The following CRIM1 variants were observed in gnomAD, a reference collection of about 807,000 sequenced individuals.
CRIM1 encodes the protein cysteine rich transmembrane BMP regulator 1.
Under a neutral mutation model 116.4 loss-of-function variants are expected in CRIM1, and 32 were observed. That is an observed-to-expected ratio of 0.27 (90% CI 0.21 to 0.37). The LOEUF (loss-of-function observed/expected upper bound fraction) is 0.37. Among genes scored for constraint, CRIM1 ranks in the 10% least tolerant of loss-of-function variants. CRIM1 has a pLI of 1.00. For missense variants in CRIM1, 1,331 were observed against 1,354.8 expected (o/e 0.98, Z 0.28); for synonymous variants, 590 against 509.2 (o/e 1.16, Z -2.13).
At chr2:36,399,235 GT>G (rs1205836122) in intron 2 of CRIM1, among the ~76,000 whole-genome samples, 1 of 152,206 alleles carries the variant, frequency 6.6e-6, no homozygotes, top group Non-Finnish European at 1.5e-5. Flanking sequence ...ATCATTATAG[GT>G]TTATGAACAG....
intron 2 of CRIM1, among the ~76,000 whole-genome samples, chr2:36,417,771 A>G (rs1010280548): frequency 2.6e-5 from 4 of 152,342 alleles, no homozygotes; most frequent in Middle Eastern, 6.8e-3. Flanking sequence ...GACAGGCATG[A>G]ACACCACTCA....
Position 36,534,840 on chromosome 2 carries a change from G to C in CRIM1, c.2429-2512G>C, listed in dbSNP as rs75893459. 1.4e-3 allele frequency among the ~76,000 whole-genome samples: 216 copies of C among 152,220 alleles called. 1 individual carries two copies. The highest frequency in any genetic ancestry group is 5.6e-3 in the South Asian group (27 of 4,818). On this transcript the variant is annotated intron_variant, in intron 13 of 16. Transcript: ENST00000280527. ...GATGGAATGAGGAGTTTTACCTCCTGTCTGGTTTCTTTGTACGGTAACACT... is the reference window on the plus strand; with the variant it reads ...GATGGAATGAGGAGTTTTACCTCCTCTCTGGTTTCTTTGTACGGTAACACT...
chr2:36,398,308 T>C (rs1340806597), intron 2 of CRIM1, among the ~76,000 whole-genome samples: 1 of 152,168 alleles, frequency 6.6e-6, no homozygotes, highest in Non-Finnish European at 1.5e-5. Context: ...CCCCTGCTCC[T>C]GAACATGCCC....
At chr2:36,542,557 G>A (rs1572968754) in intron 14 of CRIM1, among the ~76,000 whole-genome samples, 1 of 152,330 alleles carries the variant, frequency 6.6e-6, no homozygotes, top group East Asian at 1.9e-4. Context: ...GGCCTCTGCA[G>A]AAACTTTTAC....
At chr2:36,489,569 A>G (rs1409175313) in intron 7 of CRIM1, among the ~76,000 whole-genome samples, 1 of 152,198 alleles carries the variant, frequency 6.6e-6, no homozygotes, top group Non-Finnish European at 1.5e-5. Flanking sequence ...AGGAGCCCCT[A>G]CAATTCTTGT....
intron 1 of CRIM1, among the ~76,000 whole-genome samples, chr2:36,391,763 C>G (rs1671622732): frequency 6.8e-6 from 1 of 146,500 alleles, no homozygotes; most frequent in Admixed American, 6.9e-5. Context: ...ATTTTATTTG[C>G]TTTTTTTTCT....
chr2:36,506,540 G>A lies in CRIM1; in HGVS notation c.1502-3443G>A, dbSNP rs565831693. Among the ~76,000 whole-genome samples the A allele has an allele frequency of 2.5e-3, 375 of 152,144 alleles. 2 individuals are homozygous for A. Among genetic ancestry groups the A allele is most frequent in the Non-Finnish European group, 4.3e-3 (292 of 68,020 alleles). On this transcript the variant is annotated intron_variant, in intron 8 of 16. Transcript: ENST00000280527. ...ATGGCGCCCCCGACAGCTGTGTCACGTTTTGAGCATAGGAGCAAACATTCC... is the reference window on the plus strand; with the variant it reads ...ATGGCGCCCCCGACAGCTGTGTCACATTTTGAGCATAGGAGCAAACATTCC...
Position 36,467,127 on chromosome 2 carries a change from C to T in CRIM1, c.991+2472C>T, listed in dbSNP as rs1286463376. 2.0e-5 allele frequency among the ~76,000 whole-genome samples: 3 copies of T among 150,230 alleles called. 1 individual carries two copies. The highest frequency in any genetic ancestry group is 2.0e-4 in the Admixed American group (3 of 15,228). ...TCTGGAATAGGATTTGCCATCTGTC[C>T]TGAGAAGATGTTGAGTGGACAAAAC... On this transcript the variant is annotated intron_variant, in intron 5 of 16. Transcript: ENST00000280527.
chr2:36,455,994 G>T (rs918834919), intron 4 of CRIM1, among the ~76,000 whole-genome samples: 2 of 152,138 alleles, frequency 1.3e-5, no homozygotes, highest in African/African-American at 4.8e-5. Context: ...AATCCAAGTG[G>T]ATGCATGCTT....
At chr2:36,401,390 A>G (rs894688639) in intron 2 of CRIM1, among the ~76,000 whole-genome samples, 6 of 152,224 alleles carry the variant, frequency 3.9e-5, no homozygotes, top group Admixed American at 3.9e-4. Context: ...GATAAAGGGA[A>G]TGACCTGCAA....
intron 8 of CRIM1, among the ~76,000 whole-genome samples, chr2:36,501,647 G>A (rs1229417527): frequency 6.6e-6 from 1 of 152,146 alleles, no homozygotes; most frequent in Non-Finnish European, 1.5e-5. Context: ...TCTTGAGCTC[G>A]GGAAGTCGAG....
rs558055406 is a variant in CRIM1 at position 36,383,792 on chromosome 2, T to A, written c.332-12822T>A. 2.0e-4 allele frequency among the ~76,000 whole-genome samples: 30 copies of A among 152,190 alleles called. No homozygotes were observed. The South Asian group carries it at 5.2e-3, about 26-fold the overall frequency. ...ACTATGGTAGTAGCAGCTTTCTAGG[T>A]AGACCGGAGGAAAAAAAAGTGTTCC... is the stretch of plus-strand genomic sequence containing the variant. On this transcript the variant is annotated intron_variant, in intron 1 of 16. Coordinates refer to ENST00000280527, the MANE Select transcript of CRIM1 (RefSeq NM_016441.3).
At chr2:36,465,664 C>A (rs957655237) in intron 5 of CRIM1, among the ~76,000 whole-genome samples, 1 of 152,086 alleles carries the variant, frequency 6.6e-6, no homozygotes, top group African/African-American at 2.4e-5. Context: ...GAAACACTTG[C>A]AGTATGGCTT....
chr2:36,470,246 A>G (rs1678391982), intron 5 of CRIM1, among the ~76,000 whole-genome samples: 1 of 152,146 alleles, frequency 6.6e-6, no homozygotes, highest in South Asian at 2.1e-4. Flanking sequence ...TTTGGTTTTA[A>G]TTTGTTTTGG....
chr2:36,393,587 A>G (rs1671788307), intron 1 of CRIM1, among the ~76,000 whole-genome samples: 1 of 152,140 alleles, frequency 6.6e-6, no homozygotes, highest in African/African-American at 2.4e-5. Context: ...CCACTATGGT[A>G]GGGGACAACA....
chr2:36,471,107 TGGAAA>T (rs1678476913), intron 5 of CRIM1, among the ~76,000 whole-genome samples: 1 of 152,178 alleles, frequency 6.6e-6, no homozygotes, highest in Admixed American at 6.6e-5. Flanking sequence ...ATGATAAAAC[TGGAAA>T]GGATGAGGAG....
At chr2:36,375,989 A>G (rs1369745019) in intron 1 of CRIM1, among the ~76,000 whole-genome samples, 1 of 152,188 alleles carries the variant, frequency 6.6e-6, no homozygotes, top group Non-Finnish European at 1.5e-5. Context: ...CACCACTACC[A>G]AAATATGTAT....
intron 2 of CRIM1, among the ~76,000 whole-genome samples, chr2:36,406,342 A>G (rs1672793198): frequency 6.6e-6 from 1 of 152,126 alleles, no homozygotes. Flanking sequence ...TTTTGGGGAA[A>G]GCTCTTGGCC....
At chr2:36,430,750 A>T (rs1419677588) in intron 2 of CRIM1, among the ~76,000 whole-genome samples, 1 of 152,152 alleles carries the variant, frequency 6.6e-6, no homozygotes, top group African/African-American at 2.4e-5. Flanking sequence ...CACCTCTGGG[A>T]GGGGTCTGCA....
Sources: gnomAD v4.1 joint callset for allele counts (sites outside exome capture counted in the v4.1 genomes callset) on GRCh38, gnomAD v4.1.1 for gene constraint, MANE v1.5 for transcripts, NCBI Gene and HGNC (gene_info 2026-07-23, HGNC 2026-07-21) for gene names.